STK3: variants seen among roughly 807,000 people sequenced by gnomAD.
STK3 encodes serine/threonine-protein kinase 3.
Under a neutral mutation model 58.0 loss-of-function variants are expected in STK3, and 41 were observed. That is an observed-to-expected ratio of 0.71 (90% CI 0.55 to 0.92). The LOEUF (loss-of-function observed/expected upper bound fraction) is 0.92. Ranked by LOEUF, STK3 falls within the 40% of genes least tolerant of loss-of-function variation. The pLI is 0.00. For synonymous variants in STK3, 170 were observed against 191.0 expected, an observed-to-expected ratio of 0.89 and a Z score of 0.91; for missense variants, 479 against 602.7, an observed-to-expected ratio of 0.79 and a Z score of 2.15.
chr8:98,838,573 C>T (rs1835838641), intron 3 of STK3, among the ~76,000 whole-genome samples: 1 of 152,158 alleles, frequency 6.6e-6, no homozygotes, highest in Non-Finnish European at 1.5e-5. Flanking sequence ...AGAGAAGCTG[C>T]AGTAAACTCA....
At chr8:98,545,606 AG>A (rs1464385308) in intron 9 of STK3, among the ~76,000 whole-genome samples, 2 of 152,206 alleles carry the variant, frequency 1.3e-5, no homozygotes, top group East Asian at 1.9e-4. Context: ...GGTATAAAAG[AG>A]TAAGTGTAAA....
intron 7 of STK3, among the ~76,000 whole-genome samples, chr8:98,590,660 G>C (rs535544072): frequency 6.6e-6 from 1 of 152,320 alleles, no homozygotes; most frequent in East Asian, 1.9e-4. Flanking sequence ...CTAAACAGCT[G>C]TTTTTAACTT....
intron 6 of STK3, among the ~76,000 whole-genome samples, chr8:98,675,252 CCAACTA>C (rs1823113898): frequency 6.6e-6 from 1 of 152,262 alleles, no homozygotes; most frequent in South Asian, 2.1e-4. Flanking sequence ...AAAGAACTCT[CCAACTA>C]CAAGAATTGT....
rs1207916915 is a variant in STK3 at position 98,621,762 on chromosome 8, GTGT to G, written c.685-25596_685-25594del. On this transcript the variant is annotated intron_variant, in intron 6 of 10. Coordinates refer to ENST00000419617, the MANE Select transcript of STK3 (RefSeq NM_006281.4). Reference sequence around the variant, plus strand: ...TATGTTCTTAAGGTGGAAGCTCAGAGTGTTGTTTTTTTTAACACTATGACCCTG... The same window carrying G: ...TATGTTCTTAAGGTGGAAGCTCAGAGTGTTTTTTTTAACACTATGACCCTG... Among the ~76,000 whole-genome samples the G allele has an allele frequency of 7.2e-5, 11 of 152,108 alleles. No homozygotes were observed. In the South Asian group the frequency reaches 1.2e-3, roughly 17 times the overall value.
At chr8:98,812,334 T>G (rs1275516732) in intron 1 of STK3, among the ~76,000 whole-genome samples, 1 of 152,072 alleles carries the variant, frequency 6.6e-6, no homozygotes, top group Non-Finnish European at 1.5e-5. Context: ...AAAACCACAA[T>G]GTGATACCAT....
At chr8:98,346,353 C>A in the STK3 span, among the ~76,000 whole-genome samples, 1 of 150,672 alleles carries the variant, frequency 6.6e-6, no homozygotes, top group African/African-American at 2.5e-5. Flanking sequence ...ATATAACTGT[C>A]ATTGGAGCAC....
At chr8:98,368,653 G>C (rs1206802664), downstream of STK3, among the ~76,000 whole-genome samples, 2 of 152,166 alleles carry the variant, frequency 1.3e-5, no homozygotes, top group Non-Finnish European at 2.9e-5. Flanking sequence ...ACAAAAGCGT[G>C]TCAGAATGAA....
chr8:98,870,278 T>A (rs1336018509), intron 3 of STK3, among the ~76,000 whole-genome samples: 1 of 152,258 alleles, frequency 6.6e-6, no homozygotes, highest in Admixed American at 6.5e-5. Flanking sequence ...GTCTTTGCTA[T>A]TGTGAATAGT....
chr8:98,407,737 TGTGTGTGTGTGTGTGTGTGTGC>T (rs1818010128), intron 3 of STK3, among the ~76,000 whole-genome samples: 1 of 149,216 alleles, frequency 6.7e-6, no homozygotes, highest in Non-Finnish European at 1.5e-5. Context: ...TGTGTGTGTG[TGTGTGTGTGTGTGTGTGTGTGC>T]GCGCGCGCGC....
At chr8:98,488,592 T>C (rs907303386) in intron 10 of STK3, among the ~76,000 whole-genome samples, 2 of 152,190 alleles carry the variant, frequency 1.3e-5, no homozygotes, top group Non-Finnish European at 2.9e-5. Flanking sequence ...TGCAACTAAT[T>C]TCCCGTATTT....
Position 98,454,637 on chromosome 8 carries a change from G to T in STK3, c.*1205C>A, listed in dbSNP as rs1421639002. The T allele has an allele frequency of 6.6e-6, 1 of 152,534 alleles. No individual in the cohort carries two copies. Among genetic ancestry groups the T allele is most frequent in the African/African-American group, 2.4e-5 (1 of 41,426 alleles). 9.4% of individuals were successfully genotyped at this position (152,534 alleles called of 1,614,324 possible). On this transcript the variant is annotated 3_prime_UTR_variant, in exon 11 of 11. Coordinates refer to ENST00000419617, the MANE Select transcript of STK3 (RefSeq NM_006281.4). ...CAAAGATACAGAAACGAAATATGCT[G>T]GGTGGCACAGTGAAATTTATTTGTC...
intron 7 of STK3, 30 bp downstream of exon 7, chr8:98,596,002 T>C (rs775218846): frequency 1.3e-6 from 2 of 1,599,340 alleles, no homozygotes; most frequent in Admixed American, 1.7e-5. Flanking sequence ...ATGAAGAAAA[T>C]ATCCTTCCCT....
intron 6 of STK3, among the ~76,000 whole-genome samples, chr8:98,633,390 A>T (rs780470248): frequency 4.6e-5 from 7 of 152,226 alleles, no homozygotes; most frequent in Non-Finnish European, 7.3e-5. Flanking sequence ...TTCATTTAAG[A>T]TGATCAATCT....
At chr8:98,833,656 G>T (rs978920003) in intron 3 of STK3, among the ~76,000 whole-genome samples, 1 of 152,204 alleles carries the variant, frequency 6.6e-6, no homozygotes, top group Admixed American at 6.5e-5. Flanking sequence ...TTGCTATAAA[G>T]AGTCTGTTCT....
intron 3 of STK3, among the ~76,000 whole-genome samples, chr8:98,835,370 T>C (rs1564049687): frequency 2.0e-5 from 3 of 152,314 alleles, no homozygotes; most frequent in East Asian, 3.9e-4. Flanking sequence ...TGGAGAGACA[T>C]TGCAAAAGAA....
intron 6 of STK3, among the ~76,000 whole-genome samples, chr8:98,650,567 A>G (rs1160558352): frequency 8.5e-5 from 13 of 152,266 alleles, no homozygotes; most frequent in Admixed American, 8.5e-4. Flanking sequence ...GCAAGGGGTC[A>G]GGGAGTCCCT....
At chr8:98,508,728 G>A (rs1239245503) in intron 10 of STK3, among the ~76,000 whole-genome samples, 1 of 152,006 alleles carries the variant, frequency 6.6e-6, no homozygotes, top group Non-Finnish European at 1.5e-5. Context: ...CAATTTTGGG[G>A]AAAATTATGG....
chr8:98,697,424 T>C (rs868081372), intron 6 of STK3, among the ~76,000 whole-genome samples: 3 of 152,242 alleles, frequency 2.0e-5, no homozygotes, highest in African/African-American at 7.2e-5. Context: ...TGCTCTTGCT[T>C]TTCTAGTTCT....
At chr8:98,616,952 C>A (rs1587031647) in intron 6 of STK3, among the ~76,000 whole-genome samples, 1 of 152,144 alleles carries the variant, frequency 6.6e-6, no homozygotes, top group African/African-American at 2.4e-5. Flanking sequence ...CATCTCCGCA[C>A]CAAGCGGACC....
Sources: gnomAD v4.1 joint callset for allele counts (sites outside exome capture counted in the v4.1 genomes callset) on GRCh38, gnomAD v4.1.1 for gene constraint, MANE v1.5 for transcripts, NCBI Gene and HGNC (gene_info 2026-07-23, HGNC 2026-07-21) for gene names.